Variants in TEX9 observed in about 807,000 individuals in gnomAD.
TEX9 encodes testis-expressed protein 9.
Under a neutral mutation model 59.6 loss-of-function variants are expected in TEX9, and 74 were observed. The ratio of observed to expected loss-of-function variants is 1.24; its 90% CI spans 1.03 to 1.51. The LOEUF (loss-of-function observed/expected upper bound fraction) is 1.51. TEX9 is among the 40% of genes most tolerant of loss of function. The pLI, the probability that TEX9 is intolerant of heterozygous loss-of-function variation, is 0.00. For missense variants in TEX9, 522 were observed against 447.8 expected (o/e 1.17, Z -1.49); for synonymous variants, 186 against 152.2 (o/e 1.22, Z -1.64).
chr15:56,333,777 TAAAG>T (rs1235903269), intron 1 of TEX9, among the ~76,000 whole-genome samples: 1 of 152,106 alleles, frequency 6.6e-6, no homozygotes, highest in African/African-American at 2.4e-5. Flanking sequence ...TGGAAAAACA[TAAAG>T]ACTTAACCAA....
chr15:56,373,341 G>A, intron 2 of TEX9, 100 bp from the exon 3 acceptor site: 2 of 1,070,056 alleles, frequency 1.9e-6, no homozygotes, highest in Non-Finnish European at 2.7e-6. Flanking sequence ...GTATATTTTG[G>A]CATTTGTTGA....
chr15:56,455,563 C>A, the TEX9 span, among the ~76,000 whole-genome samples: 9 of 152,202 alleles, frequency 5.9e-5, no homozygotes, highest in African/African-American at 2.2e-4. Context: ...AGTAAATTTC[C>A]AATATATTCA....
chr15:56,341,139 A>G (rs1257137173), intron 1 of TEX9, among the ~76,000 whole-genome samples: 2 of 152,168 alleles, frequency 1.3e-5, no homozygotes, highest in Non-Finnish European at 2.9e-5. Context: ...TTCTTTAATT[A>G]ATACCAATGA....
At chr15:56,406,470 G>A (rs2049085452) in intron 9 of TEX9, among the ~76,000 whole-genome samples, 1 of 152,094 alleles carries the variant, frequency 6.6e-6, no homozygotes, top group African/African-American at 2.4e-5. Flanking sequence ...ACTTAGGAGT[G>A]GAATTTGTGA....
intron 1 of TEX9, chr15:56,323,727 GAGGAGGAGGAGA>G (rs1405047456): frequency 4.2e-3 from 77 of 18,520 alleles, no homozygotes; most frequent in African/African-American, 9.0e-3. Flanking sequence ...GGAGGAAGAG[GAGGAGGAGGAGA>G]AGGAGGAGAA....
chr15:56,333,668 T>C (rs1251519179), intron 1 of TEX9, among the ~76,000 whole-genome samples: 8 of 152,116 alleles, frequency 5.3e-5, no homozygotes, highest in South Asian at 2.1e-4. Flanking sequence ...CTTGAAGTCC[T>C]AGCTAGAGCA....
chr15:56,392,941 G>A (rs1444955641), intron 7 of TEX9, among the ~76,000 whole-genome samples: 3 of 152,096 alleles, frequency 2.0e-5, no homozygotes, highest in Non-Finnish European at 2.9e-5. Flanking sequence ...TCTTATTTTA[G>A]ATGATTGCTT....
intron 9 of TEX9, among the ~76,000 whole-genome samples, chr15:56,404,575 C>T (rs1026864850): frequency 2.2e-4 from 33 of 152,208 alleles, no homozygotes; most frequent in African/African-American, 6.0e-4. Context: ...GACAGTGTGG[C>T]GATTCCTCAA....
At chr15:56,263,261 G>A (rs1056713557) in intron 1 of TEX9, among the ~76,000 whole-genome samples, 3 of 152,314 alleles carry the variant, frequency 2.0e-5, no homozygotes, top group African/African-American at 7.2e-5. Flanking sequence ...GACCTTAGGT[G>A]ATCCACCTGC....
At chr15:56,449,091 C>G (rs1401395472), downstream of TEX9, among the ~76,000 whole-genome samples, 10 of 152,164 alleles carry the variant, frequency 6.6e-5, no homozygotes, top group African/African-American at 2.2e-4. Flanking sequence ...CACATACAAT[C>G]ATATCATCTG....
chr15:56,351,696 G>A (rs532118002), intron 1 of TEX9, among the ~76,000 whole-genome samples: 74 of 152,262 alleles, frequency 4.9e-4, no homozygotes, highest in Non-Finnish European at 9.7e-4. Context: ...AGACTTAGCA[G>A]TTACCATAAT....
intron 1 of TEX9, among the ~76,000 whole-genome samples, chr15:56,330,871 G>T (rs1464531209): frequency 6.6e-6 from 1 of 151,892 alleles, no homozygotes; most frequent in Non-Finnish European, 1.5e-5. Context: ...TAGCTGACTG[G>T]ATTGAAAAAA....
At position 56,315,080 on chromosome 15, in the gene TEX9, G is replaced by T. The variant is rs544474966; in HGVS notation, c.-106-58361G>T. ...AGATGGGTTTCCTGAATACAGCACAGTGATGGGTCTTAACTCTTTATCCAA... is the reference window on the plus strand; with the variant it reads ...AGATGGGTTTCCTGAATACAGCACATTGATGGGTCTTAACTCTTTATCCAA... On this transcript the variant is annotated intron_variant, in intron 1 of 5. Transcript: ENST00000560827. Among the ~76,000 whole-genome samples the T allele has an allele frequency of 1.5e-4, 23 of 151,466 alleles. No homozygotes were observed. In the East Asian group the frequency reaches 3.5e-3, roughly 23 times the overall value.
At chr15:56,443,475 T>C (rs746294807) in intron 12 of TEX9, 28 of 1,599,778 alleles carry the variant, frequency 1.8e-5, no homozygotes, top group Non-Finnish European at 2.3e-5. Context: ...CCTGGTATAA[T>C]TCTTGTCGCA....
intron 1 of TEX9, among the ~76,000 whole-genome samples, chr15:56,322,326 C>T (rs766024464): frequency 5.9e-5 from 9 of 152,074 alleles, no homozygotes; most frequent in Non-Finnish European, 1.0e-4. Context: ...GGTAACTACC[C>T]GGTCACCTTT....
chr15:56,420,080 T>A (rs1290165170), intron 10 of TEX9, among the ~76,000 whole-genome samples: 1 of 152,010 alleles, frequency 6.6e-6, no homozygotes, highest in Admixed American at 6.5e-5. Context: ...AGTTCCTTAT[T>A]GTCCTCTGAA....
intron 1 of TEX9, among the ~76,000 whole-genome samples, chr15:56,310,668 G>A (rs2045590418): frequency 6.6e-6 from 1 of 151,940 alleles, no homozygotes; most frequent in African/African-American, 2.4e-5. Flanking sequence ...ATCAGTGGAA[G>A]CCTGGACAGG....
intron 12 of TEX9, chr15:56,434,140 T>C (rs1567147330): frequency 1.9e-6 from 3 of 1,607,506 alleles, no homozygotes; most frequent in Non-Finnish European, 2.5e-6. Context: ...TTTCTTACTT[T>C]GTCTGCAAGG....
In TEX9 at chr15:56,391,448, C is replaced by G. The variant is rs775947929; in HGVS notation, c.571+30C>G. On this transcript the variant is annotated intron_variant, in intron 7 of 12. Coordinates refer to ENST00000352903, the Ensembl canonical transcript of TEX9. ...ATTTTCTTTAGTTTTTTATTTTTAT[C>G]TTTATAGCACAGTTACTTAGAAGAA... is the stretch of plus-strand genomic sequence containing the variant. 10 of 1,368,638 alleles carry G rather than the reference C, an allele frequency of 7.3e-6. No homozygotes were observed. The Admixed American group carries it at 2.3e-4, about 32-fold the overall frequency. 84.8% of individuals were successfully genotyped at this position (1,368,638 alleles called of 1,614,324 possible). A position where few individuals can be genotyped will look rare whatever the true frequency, so the allele number is the denominator to read the frequency against.
Sources: allele counts gnomAD v4.1 joint callset (sites outside exome capture counted in the v4.1 genomes callset), GRCh38; gene constraint gnomAD v4.1.1; transcripts MANE v1.5; gene names NCBI Gene and HGNC (gene_info 2026-07-23, HGNC 2026-07-21).